EWSR1: variants seen among roughly 807,000 people sequenced by gnomAD.
The protein encoded by EWSR1 is EWS RNA binding protein 1, also known as RNA-binding protein EWS.
Under a neutral mutation model 92.1 loss-of-function variants are expected in EWSR1, and 14 were observed. The observed-to-expected ratio is 0.15, with a 90% CI of 0.10 to 0.24. The LOEUF (loss-of-function observed/expected upper bound fraction) is 0.24. Ranked by LOEUF, EWSR1 falls within the 10% of genes least tolerant of loss-of-function variation. EWSR1 has a pLI of 1.00. For missense variants in EWSR1, 637 were observed against 870.9 expected (o/e 0.73, Z 3.38); for synonymous variants, 303 against 292.9 (o/e 1.03, Z -0.35).
intron 9 of EWSR1, 200 bp downstream of exon 9, chr22:29,291,799 A>C: frequency 1.7e-6 from 1 of 595,674 alleles, no homozygotes; most frequent in Middle Eastern, 4.4e-4. Flanking sequence ...TGAAGTATTG[A>C]GTAACTGCTT....
chr22:29,273,542 AC>A (rs2058854440), intron 3 of EWSR1, among the ~76,000 whole-genome samples, 198 bp from the exon 4 acceptor site: 1 of 152,168 alleles, frequency 6.6e-6, no homozygotes, highest in Non-Finnish European at 1.5e-5. Flanking sequence ...AGCTAACTTT[AC>A]CATAATATGA....
Position 29,286,966 on chromosome 22 carries a change from T to C in EWSR1, c.625T>C (p.Ser209Pro). Reference protein sequence around the residue: ...QPTSYDQSSYSQQNTYGQPSS... With the variant: ...QPTSYDQSSYPQQNTYGQPSS... ...GACTAGTTATGATCAGAGCAGTTAC[T>C]CTCAGCAGAACACCTATGGGCAACC... Residue 209 changes from serine (S) to proline (P), a missense_variant, in exon 7 of 17, where the codon TCT (serine) becomes CCT (proline). Physicochemically the swap from Ser to Pro is moderately conservative, Grantham distance 74 (BLOSUM62 -1). Transcript: ENST00000397938. 6.2e-7 allele frequency: 1 copy of C among 1,613,644 alleles called. No homozygotes were observed. Among genetic ancestry groups the C allele is most frequent in the Non-Finnish European group, 8.5e-7 (1 of 1,179,820 alleles).
intron 1 of EWSR1, among the ~76,000 whole-genome samples, chr22:29,268,806 G>A (rs1351926011): frequency 1.3e-5 from 2 of 152,246 alleles, no homozygotes; most frequent in Non-Finnish European, 2.9e-5. Context: ...GAAACCAGGG[G>A]AAAAAGCAAA....
chr22:29,274,251 T>C, intron 4 of EWSR1: 1 of 1,613,838 alleles, frequency 6.2e-7, no homozygotes, highest in East Asian at 2.2e-5. Flanking sequence ...CTTTTTGTTT[T>C]GTGCTTTCCA....
chr22:29,298,679 C>T, intron 13 of EWSR1, 54 bp from the exon 14 acceptor site: 4 of 1,603,128 alleles, frequency 2.5e-6, no homozygotes, highest in Non-Finnish European at 3.4e-6. Flanking sequence ...TTTCCTATAG[C>T]AAATTTGGTG....
At chr22:29,272,510 G>C (rs2058760102) in intron 3 of EWSR1, 79 bp downstream of exon 3, 11 of 1,425,124 alleles carry the variant, frequency 7.7e-6, no homozygotes, top group Non-Finnish European at 1.1e-5. Flanking sequence ...CAGTTATCCA[G>C]TAAAACAAAT....
intron 4 of EWSR1, chr22:29,275,925 T>C (rs1344769617): frequency 1.5e-5 from 3 of 200,370 alleles, no homozygotes; most frequent in Non-Finnish European, 2.9e-5. Flanking sequence ...TTTTGTTTTT[T>C]TGTTTTTTTG....
chr22:29,292,226 G>C (rs2060493279), intron 10 of EWSR1, 57 bp downstream of exon 10: 2 of 1,515,654 alleles, frequency 1.3e-6, no homozygotes, highest in East Asian at 4.5e-5. Flanking sequence ...ATGGTACAGA[G>C]GTAAATGCAT....
chr22:29,268,897 G>C (rs1201953894), intron 1 of EWSR1, among the ~76,000 whole-genome samples: 1 of 152,232 alleles, frequency 6.6e-6, no homozygotes, highest in African/African-American at 2.4e-5. Flanking sequence ...CAGTCGGCTG[G>C]GGCGTCTGGC....
At position 29,300,103 on chromosome 22, in the gene EWSR1, G is replaced by T. The variant is rs377197628; in HGVS notation, c.1932-19G>T. ...TCACCCCTTCCCATTCTAACCGAAG[G>T]GCCCTCTTTACCTTGCAGAGGCGAG... On this transcript the variant is annotated intron_variant, in intron 16 of 16. Coordinates refer to ENST00000397938, the MANE Select transcript of EWSR1 (RefSeq NM_005243.4). The T allele has an allele frequency of 3.9e-5, 63 of 1,600,436 alleles. 1 individual carries two copies. The African/African-American group carries it at 7.4e-4, about 19-fold the overall frequency.
At position 29,272,422 on chromosome 22, in the gene EWSR1, G is replaced by C; in HGVS notation, c.93G>C (p.Gln31His). 6.2e-7 allele frequency: 1 copy of C among 1,612,702 alleles called. No homozygotes were observed. The highest frequency in any genetic ancestry group is 8.5e-7 in the Non-Finnish European group (1 of 1,179,972). Residue 31 changes from glutamine to histidine, a missense_variant, in exon 3 of 17, where the codon CAG becomes CAC. Around this residue, in one of 5 missense-constraint regions of EWSR1, gnomAD observed 144 missense variants for 189.0 expected, o/e 0.76. Coordinates refer to ENST00000397938, the MANE Select transcript of EWSR1 (RefSeq NM_005243.4). ...YTAQPTQGYA[Q>H]TTQAYGQQSY... ...CCCAGCCCACTCAAGGATATGCACAGACCACCCAGGTAATCTTTAAAATAA... is the reference window on the plus strand; with the variant it reads ...CCCAGCCCACTCAAGGATATGCACACACCACCCAGGTAATCTTTAAAATAA...
At chr22:29,284,235 G>T (rs1188274646) in intron 6 of EWSR1, among the ~76,000 whole-genome samples, 4 of 151,414 alleles carry the variant, frequency 2.6e-5, no homozygotes, top group Non-Finnish European at 4.4e-5. Context: ...CTCCCAAAGT[G>T]CTGGGATTAT....
Position 29,298,884 on chromosome 22 carries a change from G to T in EWSR1, c.1569G>T (p.Gln523His). The T allele has an allele frequency of 1.9e-6, 3 of 1,553,396 alleles. No homozygotes were observed. Among genetic ancestry groups the T allele is most frequent in the Non-Finnish European group, 2.6e-6 (3 of 1,157,350 alleles). ...TCCAGCACCGAGCTGGAGACTGGCAGTGTCCCAATCCGTATGTACTTGTCT... is the reference window on the plus strand; with the variant it reads ...TCCAGCACCGAGCTGGAGACTGGCATTGTCCCAATCCGTATGTACTTGTCT... ...GNVQHRAGDW[Q>H]CPNPGCGNQN... Residue 523 changes from glutamine (Q) to histidine (H), a missense_variant, in exon 14 of 17, where the codon CAG (glutamine) becomes CAT (histidine). Around this residue, in one of 5 missense-constraint regions of EWSR1, gnomAD observed 363 missense variants for 447.8 expected, o/e 0.81. Transcript: ENST00000397938.
chr22:29,281,789 C>G (rs1248630770), intron 5 of EWSR1, among the ~76,000 whole-genome samples: 2 of 151,200 alleles, frequency 1.3e-5, no homozygotes, highest in East Asian at 3.9e-4. Context: ...GTTTCACTGT[C>G]TTAGCCAGGA....
In EWSR1 at chr22:29,299,533, C is replaced by T. The variant is rs947722833; in HGVS notation, c.1679-66C>T. Reference sequence around the variant, plus strand: ...GTGAGAGAAGGAAGCAGAGCAGCTTCCACAGTGTCCACAGGGCCTCTGCAG... The same window carrying T: ...GTGAGAGAAGGAAGCAGAGCAGCTTTCACAGTGTCCACAGGGCCTCTGCAG... On this transcript the variant is annotated intron_variant, in intron 15 of 16. Coordinates refer to ENST00000397938, the MANE Select transcript of EWSR1 (RefSeq NM_005243.4). 2.6e-6 allele frequency: 4 copies of T among 1,522,684 alleles called. No individual in the cohort carries two copies. In the African/African-American group the frequency reaches 5.5e-5, roughly 21 times the overall value. 94.3% of individuals were successfully genotyped at this position (1,522,684 alleles called of 1,614,324 possible).
At chr22:29,282,645 A>C in intron 6 of EWSR1, 88 bp downstream of exon 6, 3 of 1,152,592 alleles carry the variant, frequency 2.6e-6, no homozygotes, top group Non-Finnish European at 3.6e-6. Context: ...TTCTTCAGCT[A>C]AGGTATGTTA....
intron 14 of EWSR1, 135 bp downstream of exon 14, chr22:29,299,030 C>T (rs1023854429): frequency 1.5e-6 from 2 of 1,312,238 alleles, no homozygotes; most frequent in Admixed American, 2.4e-5. Flanking sequence ...GGACACTAGT[C>T]AGCCATTCAC....
In EWSR1 at chr22:29,272,237, C is replaced by T; in HGVS notation, c.35C>T (p.Ala12Val). 1 of 1,614,092 alleles carries T rather than the reference C, an allele frequency of 6.2e-7. No homozygotes were observed. Among genetic ancestry groups the T allele is most frequent in the Non-Finnish European group, 8.5e-7 (1 of 1,179,958 alleles). ...CTAGATTACAGTACCTATAGCCAAG[C>T]TGCAGCGCAGCAGGGGTAAGTCAGT... ...ASTDYSTYSQ[A>V]AAQQGYSAYT... The change falls in exon 2 of 17, where the codon GCT (alanine) becomes GTT (valine). Residue 12 changes from alanine to valine, a missense_variant. Physicochemically the swap from Ala to Val is moderately conservative, Grantham distance 64. Coordinates refer to ENST00000397938, the MANE Select transcript of EWSR1 (RefSeq NM_005243.4).
At chr22:29,285,911 C>A (rs930781757) in intron 6 of EWSR1, among the ~76,000 whole-genome samples, 2 of 152,146 alleles carry the variant, frequency 1.3e-5, no homozygotes, top group African/African-American at 4.8e-5. Flanking sequence ...TATCTCGGCT[C>A]ACTGCAAGCT....
Sources: gnomAD v4.1 joint callset for allele counts (sites outside exome capture counted in the v4.1 genomes callset) on GRCh38, gnomAD v4.1.1 for gene constraint, gnomAD v4.1.1 regional missense constraint, MANE v1.5 for transcripts, NCBI Gene and HGNC (gene_info 2026-07-23, HGNC 2026-07-21) for gene names.